The following KIDINS220 variants were observed in gnomAD, a reference collection of about 807,000 sequenced individuals.
KIDINS220 encodes kinase D interacting substrate 220.
In KIDINS220, 63 loss-of-function variants were observed where a neutral mutation model predicts 157.6. That is an observed-to-expected ratio of 0.40 (90% CI 0.33 to 0.49). The LOEUF is 0.49. Among genes scored for constraint, KIDINS220 ranks in the 20% least tolerant of loss-of-function variants. The pLI, the probability that KIDINS220 is intolerant of heterozygous loss-of-function variation, is 0.66. For missense variants in KIDINS220, 1,772 were observed against 2,171.2 expected (o/e 0.82, Z 3.65); for synonymous variants, 732 against 783.6 (o/e 0.93, Z 1.10).
chr2:8,732,020 T>G (rs990696773), intron 29 of KIDINS220, 38 bp from the exon 30 acceptor site: 2 of 1,505,984 alleles, frequency 1.3e-6, no homozygotes, highest in Admixed American at 2.3e-5. Context: ...AAAATTCAAA[T>G]AAGAAGAAAA....
chr2:8,831,181 C>T (rs758374511), intron 1 of KIDINS220, among the ~76,000 whole-genome samples: 22 of 152,334 alleles, frequency 1.4e-4, no homozygotes, highest in South Asian at 8.3e-4. Context: ...ACAATTCCTA[C>T]GGAAAGCTTT....
chr2:8,796,493 T>G (rs1673944183), intron 11 of KIDINS220, among the ~76,000 whole-genome samples: 1 of 152,192 alleles, frequency 6.6e-6, no homozygotes, highest in Non-Finnish European at 1.5e-5. Context: ...TCTACCCTGA[T>G]GAAGGCAGAG....
intron 3 of KIDINS220, among the ~76,000 whole-genome samples, chr2:8,818,471 A>G (rs1190666885): frequency 6.6e-6 from 1 of 152,180 alleles, no homozygotes; most frequent in Non-Finnish European, 1.5e-5. Context: ...CTCTCTATTC[A>G]GCCAGTCTCA....
Position 8,730,805 on chromosome 2 carries a change from C to T in KIDINS220, c.5231G>A (p.Arg1744Lys), listed in dbSNP as rs1663939705. ...HKRSQRSSYT[R>K]LSKDPPELHA... ...GAGCTCCGGAGGATCTTTGGAGAGC[C>T]TTGTGTAACTTGAACGTTGGCTTCG... The change falls in exon 30 of 30, where the codon AGG becomes AAG. Residue 1744 changes from arginine (R) to lysine (K), a missense_variant. Around this residue, in one of 3 missense-constraint regions of KIDINS220, gnomAD observed 793 missense variants for 885.5 expected, o/e 0.90. Transcript: ENST00000256707. The T allele has an allele frequency of 2.5e-6, 4 of 1,614,196 alleles. No individual in the cohort carries two copies. In the East Asian group the frequency reaches 6.7e-5, roughly 27 times the overall value.
intron 26 of KIDINS220, among the ~76,000 whole-genome samples, chr2:8,743,135 AG>A (rs1198082888): frequency 6.6e-6 from 1 of 152,190 alleles, no homozygotes. Context: ...AAGAAGGTAA[AG>A]GCACCAGTGA....
chr2:8,770,879 G>T (rs766413580), intron 21 of KIDINS220, 47 bp from the exon 22 acceptor site: 1 of 1,198,802 alleles, frequency 8.3e-7, no homozygotes, highest in Non-Finnish European at 1.2e-6. Flanking sequence ...ATGTGTGATA[G>T]TATGTTAAGT....
chr2:8,759,718 A>G (rs182665625), intron 22 of KIDINS220, among the ~76,000 whole-genome samples: 8 of 151,932 alleles, frequency 5.3e-5, no homozygotes, highest in Admixed American at 1.3e-4. Context: ...AGGAAGGTAC[A>G]TTTAGGGGCT....
chr2:8,781,287 CAAG>C (rs1333780938), intron 17 of KIDINS220, among the ~76,000 whole-genome samples: 7 of 151,300 alleles, frequency 4.6e-5, no homozygotes, highest in Non-Finnish European at 1.5e-5. Flanking sequence ...GACAGAACTG[CAAG>C]AAGAAATAGA....
chr2:8,810,556 CG>C lies in KIDINS220; in HGVS notation c.504+1838del, dbSNP rs550387644. Among the ~76,000 whole-genome samples the C allele has an allele frequency of 2.3e-4, 35 of 152,252 alleles. No individual in the cohort carries two copies. In the South Asian group the frequency reaches 7.1e-3, roughly 31 times the overall value. On this transcript the variant is annotated intron_variant, in intron 6 of 29. Transcript: ENST00000256707. ...ATCCCAGCACTTTGGGAGGCCAAGGCGGGTGGATCACCTGAGCTCAGGAGTT... is the reference window on the plus strand; with the variant it reads ...ATCCCAGCACTTTGGGAGGCCAAGGCGGTGGATCACCTGAGCTCAGGAGTT...
rs1664079442 is a variant in KIDINS220 at position 8,731,443 on chromosome 2, T to C, written c.4593A>G (p.Ser1531=). The part of the protein sequence containing the change: ...SDEDESGTEE[S]DNTPLLKDDK... ...CATCTTTGAGCAGTGGAGTGTTATC[T>C]GATTCTTCTGTGCCAGATTCATCCT... The change falls in exon 30 of 30, where the codon TCA becomes TCG. Residue 1531 remains serine (S), a synonymous_variant. Coordinates refer to ENST00000256707, the MANE Select transcript of KIDINS220 (RefSeq NM_020738.4). The surrounding 1 kb of genome is among the most constrained non-coding windows in gnomAD (Gnocchi z 5.2). The C allele has an allele frequency of 1.2e-6, 2 of 1,614,246 alleles. No individual in the cohort carries two copies. Among genetic ancestry groups the C allele is most frequent in the Admixed American group, 1.7e-5 (1 of 60,030 alleles).
chr2:8,724,508 A>G (rs999362192), downstream of KIDINS220: 4 of 152,322 alleles, frequency 2.6e-5, no homozygotes, highest in Non-Finnish European at 5.9e-5. The surrounding 1 kb of genome is among the most constrained non-coding windows in gnomAD (Gnocchi z 4.6). Context: ...TCAGACTCCC[A>G]AAGTGCTGGG....
At chr2:8,817,580 G>A in intron 4 of KIDINS220, 38 bp downstream of exon 4, 1 of 1,109,796 alleles carries the variant, frequency 9.0e-7, no homozygotes, top group Admixed American at 2.1e-5. Flanking sequence ...TTATAAATAA[G>A]ATTTCAGCTA....
At chr2:8,773,223 T>A (rs1385073879) in intron 21 of KIDINS220, among the ~76,000 whole-genome samples, 1 of 152,246 alleles carries the variant, frequency 6.6e-6, no homozygotes, top group African/African-American at 2.4e-5. Context: ...AATTGGAAAG[T>A]CTACTGTATA....
At chr2:8,732,713 T>A (rs1241769815) in intron 29 of KIDINS220, among the ~76,000 whole-genome samples, 1 of 152,180 alleles carries the variant, frequency 6.6e-6, no homozygotes. Context: ...GGGGACCTTC[T>A]CAAGGAAATA....
rs759718923 is a variant in KIDINS220, at chr2:8,826,986, C to G, written c.108G>C (p.Glu36Asp). 1 of 1,574,000 alleles carries G rather than the reference C, an allele frequency of 6.4e-7. No individual in the cohort carries two copies. Among genetic ancestry groups the G allele is most frequent in the Non-Finnish European group, 8.7e-7 (1 of 1,150,956 alleles). The change falls in exon 2 of 30, where the codon GAG (glutamate) becomes GAC (aspartate). Residue 36 changes from glutamate to aspartate, a missense_variant and splice_region_variant. By Grantham distance (45) the Glu-to-Asp change is conservative (BLOSUM62 2). This residue lies in a region of KIDINS220 where 254 missense variants were observed against 268.6 expected (regional missense o/e 0.95). Transcript: ENST00000256707. ...EKCKDVDERN[E>D]CGQTPLMIAA... ...TGTAATTTTGCAAACTTGGTCTTACCTCATTTCTCTCATCTACATCTTTGC... is the reference window on the plus strand; with the variant it reads ...TGTAATTTTGCAAACTTGGTCTTACGTCATTTCTCTCATCTACATCTTTGC...
At chr2:8,828,296 C>A (rs1278172811) in intron 1 of KIDINS220, among the ~76,000 whole-genome samples, 1 of 152,206 alleles carries the variant, frequency 6.6e-6, no homozygotes, top group Non-Finnish European at 1.5e-5. Flanking sequence ...CGTCAGGTCA[C>A]CTGGTTACAA....
At chr2:8,796,211 TG>T (rs200370225) in intron 11 of KIDINS220, among the ~76,000 whole-genome samples, 1 of 152,166 alleles carries the variant, frequency 6.6e-6, no homozygotes, top group Non-Finnish European at 1.5e-5. Context: ...ACTTCTATCC[TG>T]GGGGAAAACC....
At chr2:8,822,967 T>C (rs1678214262) in intron 2 of KIDINS220, among the ~76,000 whole-genome samples, 1 of 152,162 alleles carries the variant, frequency 6.6e-6, no homozygotes, top group Non-Finnish European at 1.5e-5. Context: ...TTATCCCTTT[T>C]TAAATTTGTT....
chr2:8,803,663 C>G (rs1675038016), intron 7 of KIDINS220, among the ~76,000 whole-genome samples: 1 of 152,098 alleles, frequency 6.6e-6, no homozygotes, highest in Admixed American at 6.6e-5. Context: ...ACTACATTTT[C>G]AAAACCTGTC....
Sources: allele counts gnomAD v4.1 joint callset (sites outside exome capture counted in the v4.1 genomes callset), GRCh38; gene constraint gnomAD v4.1.1; regional missense constraint gnomAD v4.1.1; non-coding constraint Gnocchi (gnomAD v3.1); transcripts MANE v1.5; gene names NCBI Gene and HGNC (gene_info 2026-07-23, HGNC 2026-07-21).